LCP1: variants seen among roughly 807,000 people sequenced by gnomAD.
LCP1 encodes lymphocyte cytosolic protein 1, also known as plastin-2.
Under a neutral mutation model 72.0 loss-of-function variants are expected in LCP1, and 23 were observed. That is an observed-to-expected ratio of 0.32 (90% CI 0.23 to 0.45). The LOEUF (loss-of-function observed/expected upper bound fraction) is 0.45, where lower values mean the gene tolerates loss of function less well. LCP1 is among the 20% of genes least tolerant of loss of function. The pLI is 1.00. For synonymous variants in LCP1, 245 were observed against 275.4 expected, an observed-to-expected ratio of 0.89 and a Z score of 1.09; for missense variants, 571 against 748.3, an observed-to-expected ratio of 0.76 and a Z score of 2.76.
At chr13:46,176,551 T>C (rs911808632) in intron 1 of LCP1, among the ~76,000 whole-genome samples, 5 of 152,220 alleles carry the variant, frequency 3.3e-5, no homozygotes, top group African/African-American at 7.2e-5. Context: ...CATTTGTGTA[T>C]CCTTTTACTT....
At position 46,130,795 on chromosome 13, in the gene LCP1, T is replaced by C. The variant is rs1254115713; in HGVS notation, c.1751+19A>G. On this transcript the variant is annotated intron_variant, in intron 15 of 15. Transcript: ENST00000323076. ...TGGGTCCTTCCCTCCCAATCTGAGG[T>C]TTATTTTTATTTACGTACTTTGCAT... is the stretch of plus-strand genomic sequence containing the variant. 2 of 1,612,964 alleles carry C rather than the reference T, an allele frequency of 1.2e-6. No homozygotes were observed. Among genetic ancestry groups the C allele is most frequent in the Non-Finnish European group, 1.7e-6 (2 of 1,179,572 alleles).
chr13:46,159,032 C>T (rs756121126), intron 2 of LCP1, 43 bp from the exon 3 acceptor site: 7 of 1,596,460 alleles, frequency 4.4e-6, no homozygotes, highest in Non-Finnish European at 6.0e-6. Flanking sequence ...ACGATTCAGG[C>T]AACAGCTTTT....
At chr13:46,145,693 A>T (rs2138239031) in intron 10 of LCP1, among the ~76,000 whole-genome samples, 1 of 78,320 alleles carries the variant, frequency 1.3e-5, no homozygotes, top group Middle Eastern at 5.1e-3. Flanking sequence ...GCGGATCACG[A>T]GGTCAGGAGA....
chr13:46,128,440 T>C (rs1312629012), intron 15 of LCP1, among the ~76,000 whole-genome samples: 2 of 151,922 alleles, frequency 1.3e-5, no homozygotes, highest in Admixed American at 1.3e-4. Context: ...CTACTAAAAA[T>C]ACAAAAAATT....
rs11342 is a variant in LCP1 at position 46,126,507 on chromosome 13, G to A, written c.*1084C>T. On this transcript the variant is annotated 3_prime_UTR_variant, in exon 16 of 16. Transcript: ENST00000323076. ...GGGGTGCTATTGATTGGCACATATT[G>A]TCCCCCCTGGAGTTTAGGGGTGGCA... 4 of 232,146 alleles carry A rather than the reference G, an allele frequency of 1.7e-5. No homozygotes were observed. The highest frequency in any genetic ancestry group is 5.6e-5 in the Admixed American group (1 of 17,730). The allele number at this position is 232,146 out of a possible 1,614,324, so 14.4% of individuals were successfully genotyped here.
chr13:46,165,856 A>G (rs1405830894), intron 1 of LCP1, among the ~76,000 whole-genome samples: 1 of 152,200 alleles, frequency 6.6e-6, no homozygotes, highest in Non-Finnish European at 1.5e-5. Flanking sequence ...TGCATGTGAG[A>G]GCACTTAAAT....
At chr13:46,154,734 C>A in intron 6 of LCP1, 71 bp downstream of exon 6, 2 of 1,259,504 alleles carry the variant, frequency 1.6e-6, no homozygotes, top group Non-Finnish European at 2.3e-6. Context: ...CTGAAAAAGG[C>A]GGACTCAGCA....
intron 6 of LCP1, among the ~76,000 whole-genome samples, chr13:46,153,984 T>C (rs554962521): frequency 6.6e-6 from 1 of 152,302 alleles, no homozygotes; most frequent in South Asian, 2.1e-4. Context: ...CAGAGATGTA[T>C]AGAAATTGTT....
intron 12 of LCP1, chr13:46,142,858 C>T (rs1483200980): frequency 1.6e-5 from 7 of 425,046 alleles, no homozygotes; most frequent in Admixed American, 8.3e-5. Flanking sequence ...TTAACAGTCA[C>T]GGCAATAAGA....
At chr13:46,142,148 GA>G in intron 13 of LCP1, 143 bp downstream of exon 13, 2 of 763,906 alleles carry the variant, frequency 2.6e-6, no homozygotes, top group South Asian at 5.1e-5. Context: ...AAAAAAAGCA[GA>G]AAGGTAAAAA....
At chr13:46,140,119 A>G (rs2045688460) in intron 13 of LCP1, among the ~76,000 whole-genome samples, 1 of 152,196 alleles carries the variant, frequency 6.6e-6, no homozygotes, top group African/African-American at 2.4e-5. Context: ...CAGGGATGAG[A>G]AATGAAGGAA....
chr13:46,169,786 A>C (rs920196797), intron 1 of LCP1: 3 of 152,202 alleles, frequency 2.0e-5, no homozygotes, highest in Non-Finnish European at 4.4e-5. Flanking sequence ...AGGCCCTCCA[A>C]ATTTCCTTAG....
chr13:46,147,957 C>T (rs1331275230), intron 9 of LCP1, among the ~76,000 whole-genome samples: 1 of 152,130 alleles, frequency 6.6e-6, no homozygotes, highest in East Asian at 1.9e-4. Flanking sequence ...AACATGAACT[C>T]ATTGGATTTA....
At chr13:46,151,161 C>G in intron 7 of LCP1, 83 bp from the exon 8 acceptor site, 2 of 1,377,048 alleles carry the variant, frequency 1.5e-6, no homozygotes, top group East Asian at 4.7e-5. Flanking sequence ...TTAAGCTCTG[C>G]TAAAAAGCTA....
chr13:46,159,341 A>T (rs747831480), intron 2 of LCP1: 1 of 545,482 alleles, frequency 1.8e-6, no homozygotes, highest in Non-Finnish European at 3.2e-6. Context: ...AGAAGACAAG[A>T]TATAAAAGAT....
intron 12 of LCP1, 93 bp downstream of exon 12, chr13:46,143,196 TG>T: frequency 1.4e-6 from 1 of 739,908 alleles, no homozygotes; most frequent in South Asian, 1.7e-5. Context: ...AAACATTACT[TG>T]TCTACGTTTG....
intron 15 of LCP1, among the ~76,000 whole-genome samples, chr13:46,128,902 C>CACTATGGTTACACCAGAT (rs2138212009): frequency 6.6e-6 from 1 of 152,238 alleles, no homozygotes; most frequent in East Asian, 1.9e-4. Flanking sequence ...TTACACCAGA[C>CACTATGGTTACACCAGAT]ACTCTTCACT....
chr13:46,127,915 C>T lies in LCP1; in HGVS notation c.1752-192G>A, dbSNP rs146228812. ...TCAACCAAAGATTCTGACAAAGCAT[C>T]AGACTTGCTGGCTAGTCTCGTGATC... On this transcript the variant is annotated intron_variant, in intron 15 of 15. Coordinates refer to ENST00000323076, the MANE Select transcript of LCP1 (RefSeq NM_002298.5). Among the ~76,000 whole-genome samples the T allele has an allele frequency of 3.6e-3, 555 of 152,214 alleles. 7 individuals are homozygous for T. The highest frequency in any genetic ancestry group is 0.013 in the African/African-American group (526 of 41,518).
intron 6 of LCP1, among the ~76,000 whole-genome samples, chr13:46,154,595 A>G (rs2045788825): frequency 6.6e-6 from 1 of 152,212 alleles, no homozygotes; most frequent in Non-Finnish European, 1.5e-5. Context: ...CAAAACAAAC[A>G]TACAAAGCCC....
Sources: gnomAD v4.1 joint callset for allele counts (sites outside exome capture counted in the v4.1 genomes callset) on GRCh38, gnomAD v4.1.1 for gene constraint, MANE v1.5 for transcripts, NCBI Gene and HGNC (gene_info 2026-07-23, HGNC 2026-07-21) for gene names.